Variants in RFTN1 observed in about 807,000 individuals in gnomAD.
RFTN1 encodes the protein raftlin, lipid raft linker 1.
A neutral mutation model predicts 46.5 loss-of-function variants in RFTN1; 26 were observed. That is an observed-to-expected ratio of 0.56 (90% CI 0.41 to 0.78). RFTN1 has a LOEUF of 0.78. Among genes scored for constraint, RFTN1 ranks in the 30% least tolerant of loss-of-function variants. The pLI, the probability that RFTN1 is intolerant of heterozygous loss-of-function variation, is 0.00. For missense variants in RFTN1, 693 were observed against 718.7 expected, an observed-to-expected ratio of 0.96 and a Z score of 0.41; for synonymous variants, 261 against 284.2, an observed-to-expected ratio of 0.92 and a Z score of 0.82.
intron 5 of RFTN1, among the ~76,000 whole-genome samples, chr3:16,375,430 C>T (rs905047791): frequency 6.6e-6 from 1 of 151,894 alleles, no homozygotes. Context: ...CTAGTAATAG[C>T]ATCTTCTGCC....
Position 16,451,055 on chromosome 3 carries a change from GCTCA to G in RFTN1, c.146-17022_146-17019del, listed in dbSNP as rs1294412827. Among the ~76,000 whole-genome samples, 4 of 152,304 alleles carry G rather than the reference GCTCA, an allele frequency of 2.6e-5. No individual in the cohort carries two copies. The highest frequency in any genetic ancestry group is 2.6e-4 in the Admixed American group (4 of 15,306). On this transcript the variant is annotated intron_variant, in intron 2 of 9. Coordinates refer to ENST00000334133, the MANE Select transcript of RFTN1 (RefSeq NM_015150.2). The surrounding 1 kb of genome is among the most constrained non-coding windows in gnomAD (Gnocchi z 4.2). ...GAGGCTCACGTACCTGTGCATAAAT[GCTCA>G]CTAAGGTCAGGGGCTTGGATAAACT...
intron 2 of RFTN1, among the ~76,000 whole-genome samples, chr3:16,462,060 T>C (rs558870793): frequency 4.1e-4 from 63 of 152,300 alleles, no homozygotes; most frequent in African/African-American, 1.4e-3. Context: ...TGCTCACTCA[T>C]AGCACGTAAG....
In RFTN1 at chr3:16,480,326, T is replaced by C. The variant is rs60773795; in HGVS notation, c.145+13399A>G. Among the ~76,000 whole-genome samples the C allele has an allele frequency of 6.8e-3, 1,036 of 152,352 alleles. 11 individuals carry two copies. Among genetic ancestry groups the C allele is most frequent in the African/African-American group, 0.023 (969 of 41,586 alleles). ...GGGATGCCCAAGTGAAATAATCCCT[T>C]CCCTCTTTTAAGAGGGCCCAATGAG... is the stretch of plus-strand genomic sequence containing the variant. On this transcript the variant is annotated intron_variant, in intron 2 of 9. Coordinates refer to ENST00000334133, the MANE Select transcript of RFTN1 (RefSeq NM_015150.2). The surrounding 1 kb of genome is among the most constrained non-coding windows in gnomAD (Gnocchi z 4.3).
chr3:16,483,998 G>A lies in RFTN1; in HGVS notation c.145+9727C>T, dbSNP rs1212911271. Among the ~76,000 whole-genome samples the A allele has an allele frequency of 2.0e-5, 3 of 152,134 alleles. No homozygotes were observed. The highest frequency in any genetic ancestry group is 2.9e-5 in the Non-Finnish European group (2 of 68,028). ...AACCACTCCTTTAAGCTAATGATTA[G>A]TTTTAAAGGCTTTTCTGGAGATTGA... On this transcript the variant is annotated intron_variant, in intron 2 of 9. Coordinates refer to ENST00000334133, the MANE Select transcript of RFTN1 (RefSeq NM_015150.2). This position sits in a 1 kb window ranked among gnomAD's most constrained non-coding sequence, Gnocchi z 4.8.
At chr3:16,409,159 C>G (rs548144784) in intron 4 of RFTN1, among the ~76,000 whole-genome samples, 1 of 152,316 alleles carries the variant, frequency 6.6e-6, no homozygotes, top group East Asian at 1.9e-4. Context: ...AAGACAGGAC[C>G]CGGGCTCCTG....
chr3:16,316,165 A>G lies in RFTN1; in HGVS notation c.*663T>C, dbSNP rs552004309. ...CTTTAAAAACAACTTTTTGGCATTA[A>G]TACTAACACAGAATACTTCCTTGAA... On this transcript the variant is annotated 3_prime_UTR_variant, in exon 10 of 10. Transcript: ENST00000334133. The surrounding 1 kb of genome is among the most constrained non-coding windows in gnomAD (Gnocchi z 4.5). 1.3e-5 allele frequency: 2 copies of G among 153,462 alleles called. No individual in the cohort carries two copies. Among genetic ancestry groups the G allele is most frequent in the Admixed American group, 6.5e-5 (1 of 15,324 alleles). The allele number at this position is 153,462 out of a possible 1,614,324, so 9.5% of individuals were successfully genotyped here.
intron 3 of RFTN1, among the ~76,000 whole-genome samples, chr3:16,430,393 T>C (rs1575278321): frequency 1.3e-5 from 2 of 152,356 alleles, no homozygotes. Context: ...ATTATAGGTG[T>C]GAGCCACTGC....
At chr3:16,318,749 A>G (rs1309948231) in intron 9 of RFTN1, among the ~76,000 whole-genome samples, 1 of 152,176 alleles carries the variant, frequency 6.6e-6, no homozygotes, top group Admixed American at 6.5e-5. Context: ...TATCCCCCAA[A>G]AAACCCAAAT....
At chr3:16,409,521 T>C in intron 3 of RFTN1, 38 bp from the exon 4 acceptor site, 2 of 1,390,854 alleles carry the variant, frequency 1.4e-6, no homozygotes, top group Non-Finnish European at 1.0e-6. Flanking sequence ...AACAGATTAA[T>C]ATCTTGCATA....
chr3:16,509,955 A>G lies in RFTN1; in HGVS notation c.-9+3487T>C, dbSNP rs1324184672. Among the ~76,000 whole-genome samples, 2 of 152,160 alleles carry G rather than the reference A, an allele frequency of 1.3e-5. No homozygotes were observed. On this transcript the variant is annotated intron_variant, in intron 1 of 9. Transcript: ENST00000334133. This position sits in a 1 kb window ranked among gnomAD's most constrained non-coding sequence, Gnocchi z 4.9. ...GGGACACCTTGATGGGATGCAAAAC[A>G]TGCATCCTGGGGTCCCACTCAGACA...
rs1228600996 is a variant in RFTN1 at position 16,447,302 on chromosome 3, T to C, written c.146-13265A>G. Among the ~76,000 whole-genome samples the C allele has an allele frequency of 2.0e-5, 3 of 152,240 alleles. No homozygotes were observed. The highest frequency in any genetic ancestry group is 7.2e-5 in the African/African-American group (3 of 41,466). On this transcript the variant is annotated intron_variant, in intron 2 of 9. Coordinates refer to ENST00000334133, the MANE Select transcript of RFTN1 (RefSeq NM_015150.2). The surrounding 1 kb of genome is among the most constrained non-coding windows in gnomAD (Gnocchi z 5.9). ...GAACAGGACCAGACAGCTCTTGTTC[T>C]CTAAAACAGGCTTCCACAGCTGCAT...
At chr3:16,439,744 T>G (rs1038071024) in intron 2 of RFTN1, among the ~76,000 whole-genome samples, 2 of 152,186 alleles carry the variant, frequency 1.3e-5, no homozygotes, top group Admixed American at 6.5e-5. Flanking sequence ...GAAACATCAC[T>G]GCTGCCCGAG....
chr3:16,504,141 C>G lies in RFTN1; in HGVS notation c.-9+9301G>C, dbSNP rs1288713001. 6.6e-6 allele frequency among the ~76,000 whole-genome samples: 1 copy of G among 152,064 alleles called. No homozygotes were observed. Among genetic ancestry groups the G allele is most frequent in the East Asian group, 1.9e-4 (1 of 5,200 alleles). ...CATGCCCTAGACTAAAAAAAAAATA[C>G]CCAATAGTTCGTTTTATTAAGTAGT... is the stretch of plus-strand genomic sequence containing the variant. On this transcript the variant is annotated intron_variant, in intron 1 of 9. Transcript: ENST00000334133. The surrounding 1 kb of genome is among the most constrained non-coding windows in gnomAD (Gnocchi z 4.4).
In RFTN1 at chr3:16,353,376, C is replaced by T. The variant is rs899204349; in HGVS notation, c.1146+4556G>A. ...CCCAAGTCAGGGTCTGACGGAGCCTCTTCAAAGAGCTGAGGTGCGGGGGAA... is the reference window on the plus strand; with the variant it reads ...CCCAAGTCAGGGTCTGACGGAGCCTTTTCAAAGAGCTGAGGTGCGGGGGAA... On this transcript the variant is annotated intron_variant, in intron 7 of 9. Coordinates refer to ENST00000334133, the MANE Select transcript of RFTN1 (RefSeq NM_015150.2). This position sits in a 1 kb window ranked among gnomAD's most constrained non-coding sequence, Gnocchi z 5.4. Among the ~76,000 whole-genome samples, 5 of 152,164 alleles carry T rather than the reference C, an allele frequency of 3.3e-5. No homozygotes were observed. The highest frequency in any genetic ancestry group is 7.4e-5 in the Non-Finnish European group (5 of 68,022).
intron 2 of RFTN1, among the ~76,000 whole-genome samples, chr3:16,482,232 T>C (rs558772477): frequency 3.8e-4 from 58 of 152,262 alleles, no homozygotes; most frequent in Non-Finnish European, 7.5e-4. Flanking sequence ...AAGACCACCC[T>C]ATTTGTCAGG....
At chr3:16,496,487 A>G (rs553965646) in intron 1 of RFTN1, among the ~76,000 whole-genome samples, 2 of 152,360 alleles carry the variant, frequency 1.3e-5, no homozygotes, top group South Asian at 4.1e-4. Context: ...AAGAAGCTCA[A>G]CTTCATGACT....
intron 2 of RFTN1, among the ~76,000 whole-genome samples, chr3:16,469,357 A>G (rs1291632799): frequency 6.6e-6 from 1 of 152,234 alleles, no homozygotes; most frequent in Non-Finnish European, 1.5e-5. Flanking sequence ...CAATAGTATC[A>G]TTATCATCAT....
At chr3:16,492,368 T>C (rs954140049) in intron 2 of RFTN1, among the ~76,000 whole-genome samples, 4 of 152,120 alleles carry the variant, frequency 2.6e-5, no homozygotes, top group Non-Finnish European at 5.9e-5. Context: ...ATGCCAGACA[T>C]TGTGCTACGA....
chr3:16,493,450 C>T (rs1394785245), intron 2 of RFTN1, among the ~76,000 whole-genome samples: 1 of 152,158 alleles, frequency 6.6e-6, no homozygotes, highest in African/African-American at 2.4e-5. Flanking sequence ...TCAGGCTGGT[C>T]TTGAACTCCT....
Sources: allele counts gnomAD v4.1 joint callset (sites outside exome capture counted in the v4.1 genomes callset), GRCh38; gene constraint gnomAD v4.1.1; non-coding constraint Gnocchi (gnomAD v3.1); transcripts MANE v1.5; gene names NCBI Gene and HGNC (gene_info 2026-07-23, HGNC 2026-07-21).